OTUD7A: variants seen among roughly 807,000 people sequenced by gnomAD.
OTUD7A encodes the protein OTU domain-containing protein 7A.
Under a neutral mutation model 65.7 loss-of-function variants are expected in OTUD7A, and 12 were observed. The observed-to-expected ratio is 0.18, with a 90% CI of 0.12 to 0.30. OTUD7A has a LOEUF of 0.30. OTUD7A is among the 10% of genes least tolerant of loss of function. The pLI is 1.00. For missense variants in OTUD7A, 1,148 were observed against 1,304.8 expected (o/e 0.88, Z 1.85); for synonymous variants, 641 against 586.3 (o/e 1.09, Z -1.35).
chr15:31,504,897 C>CT (rs35439992), intron 8 of OTUD7A, among the ~76,000 whole-genome samples: 101,272 of 148,536 alleles, frequency 0.68, 34,434 homozygotes, highest in East Asian at 0.84. Flanking sequence ...CTCAATTTAC[C>CT]TTTTTTTTTT....
intron 3 of OTUD7A, among the ~76,000 whole-genome samples, chr15:31,606,353 G>A (rs759358569): frequency 2.6e-4 from 39 of 152,192 alleles, no homozygotes; most frequent in Non-Finnish European, 3.4e-4. Flanking sequence ...GAACACACAC[G>A]TGACCGTGCA....
At chr15:31,783,971 T>C (rs1188780150) in intron 1 of OTUD7A, among the ~76,000 whole-genome samples, 1 of 152,212 alleles carries the variant, frequency 6.6e-6, no homozygotes, top group East Asian at 1.9e-4. Context: ...CTGCTCCCAA[T>C]ACTCAGAGAC....
At chr15:31,811,368 T>C (rs1350610830) in intron 1 of OTUD7A, among the ~76,000 whole-genome samples, 1 of 151,792 alleles carries the variant, frequency 6.6e-6, no homozygotes, top group Non-Finnish European at 1.5e-5. Flanking sequence ...GTGTGTGTGA[T>C]ATGTATCCAT....
At chr15:31,845,018 T>C (rs1407849675) in intron 1 of OTUD7A, among the ~76,000 whole-genome samples, 2 of 152,198 alleles carry the variant, frequency 1.3e-5, no homozygotes, top group African/African-American at 4.8e-5. Flanking sequence ...GAGAGCCTCC[T>C]GTATGAGCTC....
At chr15:31,859,740 G>C (rs1051648975) in intron 1 of OTUD7A, among the ~76,000 whole-genome samples, 1 of 152,122 alleles carries the variant, frequency 6.6e-6, no homozygotes, top group African/African-American at 2.4e-5. Context: ...GTTGCGGCTT[G>C]GTTGCTGATA....
chr15:31,707,911 T>C (rs1019876783), intron 1 of OTUD7A, among the ~76,000 whole-genome samples: 9 of 152,154 alleles, frequency 5.9e-5, no homozygotes, highest in African/African-American at 1.9e-4. Flanking sequence ...GCTTTTGGTA[T>C]GAATTCCTAT....
chr15:31,738,695 T>C (rs1048230092), intron 1 of OTUD7A, among the ~76,000 whole-genome samples: 1 of 152,184 alleles, frequency 6.6e-6, no homozygotes, highest in African/African-American at 2.4e-5. Context: ...TGCAGCCTGT[T>C]GACTCCTGAA....
At chr15:31,524,139 TG>T (rs2041976905) in intron 8 of OTUD7A, among the ~76,000 whole-genome samples, 1 of 149,322 alleles carries the variant, frequency 6.7e-6, no homozygotes, top group African/African-American at 2.6e-5. Context: ...CTGAGTTTTT[TG>T]TTTTTTTTTT....
At chr15:31,497,729 G>C (rs1354044636) in intron 10 of OTUD7A, among the ~76,000 whole-genome samples, 2 of 152,074 alleles carry the variant, frequency 1.3e-5, no homozygotes, top group African/African-American at 4.8e-5. Context: ...TCTTCTCTTG[G>C]AGATGCCACT....
chr15:31,687,384 T>G (rs1892862580), intron 1 of OTUD7A, among the ~76,000 whole-genome samples: 1 of 152,178 alleles, frequency 6.6e-6, no homozygotes. Flanking sequence ...TTTATTAGCA[T>G]TTTTGCTAAA....
At chr15:31,780,587 T>C (rs1327684168) in intron 1 of OTUD7A, among the ~76,000 whole-genome samples, 2 of 152,068 alleles carry the variant, frequency 1.3e-5, no homozygotes, top group East Asian at 3.9e-4. Context: ...GGAAAGACAC[T>C]AACGAGGGAT....
chr15:31,870,382 C>A, intron 1 of OTUD7A, 125 bp downstream of exon 1: 1 of 146,854 alleles, frequency 6.8e-6, no homozygotes, highest in South Asian at 1.9e-4. Context: ...CCTCAACGCC[C>A]ACCTGCCTCG....
chr15:31,678,008 T>G (rs1473685274), intron 1 of OTUD7A, among the ~76,000 whole-genome samples: 2 of 152,138 alleles, frequency 1.3e-5, no homozygotes, highest in African/African-American at 4.8e-5. Context: ...TGGTCTCAGA[T>G]GGAGATGAGG....
chr15:31,751,290 G>A lies in OTUD7A; in HGVS notation c.-99-94213C>T, dbSNP rs371579847. Among the ~76,000 whole-genome samples, 17 of 150,074 alleles carry A rather than the reference G, an allele frequency of 1.1e-4. No individual in the cohort carries two copies. The East Asian group carries it at 3.1e-3, about 27-fold the overall frequency. On this transcript the variant is annotated intron_variant, in intron 1 of 12. Coordinates refer to ENST00000307050, the MANE Select transcript of OTUD7A (RefSeq NM_001382637.1). Reference sequence around the variant, plus strand: ...AGACACTTCTCAAAAAGAGACATATGAGTGGCCAACAAACATATGAAAAAC... The same window carrying A: ...AGACACTTCTCAAAAAGAGACATATAAGTGGCCAACAAACATATGAAAAAC...
intron 3 of OTUD7A, among the ~76,000 whole-genome samples, chr15:31,643,439 G>T (rs1044717765): frequency 6.6e-6 from 1 of 151,968 alleles, no homozygotes; most frequent in African/African-American, 2.4e-5. Context: ...TTTCATCTCA[G>T]ATGTAGTCTT....
chr15:31,683,594 T>C lies in OTUD7A; in HGVS notation c.-99-26517A>G, dbSNP rs137999008. Among the ~76,000 whole-genome samples, 97 of 152,278 alleles carry C rather than the reference T, an allele frequency of 6.4e-4. 3 individuals are homozygous for C. The South Asian group carries it at 0.018, about 28-fold the overall frequency. On this transcript the variant is annotated intron_variant, in intron 1 of 12. Transcript: ENST00000307050. Reference sequence around the variant, plus strand: ...ATTACATAGCATAGTGCCTGGCACATAGCAAGTACCAAAAAAAGGATAGGT... The same window carrying C: ...ATTACATAGCATAGTGCCTGGCACACAGCAAGTACCAAAAAAAGGATAGGT...
At chr15:31,513,042 TG>T (rs2041780675) in intron 8 of OTUD7A, among the ~76,000 whole-genome samples, 1 of 152,186 alleles carries the variant, frequency 6.6e-6, no homozygotes, top group South Asian at 2.1e-4. Flanking sequence ...CTAATTTTTT[TG>T]TATTTTTAGT....
At chr15:31,703,932 G>A (rs1180912521) in intron 1 of OTUD7A, among the ~76,000 whole-genome samples, 1 of 144,432 alleles carries the variant, frequency 6.9e-6, no homozygotes, top group Non-Finnish European at 1.6e-5. Flanking sequence ...TGAATATCCA[G>A]GGAATTATTC....
chr15:31,698,443 GC>G (rs1413016648), intron 1 of OTUD7A, among the ~76,000 whole-genome samples: 3 of 152,134 alleles, frequency 2.0e-5, no homozygotes, highest in East Asian at 3.9e-4. Context: ...TCAAAGTGAG[GC>G]CCCTGGCCCA....
Sources: allele counts gnomAD v4.1 joint callset (sites outside exome capture counted in the v4.1 genomes callset), GRCh38; gene constraint gnomAD v4.1.1; transcripts MANE v1.5; gene names NCBI Gene and HGNC (gene_info 2026-07-23, HGNC 2026-07-21).